PTPRE: variants seen among roughly 807,000 people sequenced by gnomAD.
The protein encoded by PTPRE is receptor-type tyrosine-protein phosphatase epsilon.
Under a neutral mutation model 102.0 loss-of-function variants are expected in PTPRE, and 51 were observed. The observed-to-expected ratio is 0.50, with a 90% CI of 0.40 to 0.63. The LOEUF (loss-of-function observed/expected upper bound fraction) is 0.63. Ranked by LOEUF, PTPRE falls within the 30% of genes least tolerant of loss-of-function variation. PTPRE has a pLI of 0.00. For missense variants in PTPRE, 752 were observed against 915.1 expected (o/e 0.82, Z 2.30); for synonymous variants, 345 against 348.2 (o/e 0.99, Z 0.10).
At chr10:128,024,403 C>T (rs374572817) in intron 2 of PTPRE, among the ~76,000 whole-genome samples, 54 of 152,312 alleles carry the variant, frequency 3.5e-4, no homozygotes, top group Middle Eastern at 3.4e-3. Context: ...TCTGAGAAAG[C>T]GTGCTTTCGA....
chr10:128,079,463 G>T, intron 19 of PTPRE, 97 bp from the exon 20 acceptor site: 9 of 1,424,594 alleles, frequency 6.3e-6, no homozygotes, highest in Non-Finnish European at 6.6e-6. Flanking sequence ...AGCGATTGTT[G>T]CTTCAGTGCT....
At chr10:127,920,329 T>C (rs991199974) in intron 1 of PTPRE, among the ~76,000 whole-genome samples, 16 of 152,218 alleles carry the variant, frequency 1.1e-4, no homozygotes, top group African/African-American at 2.9e-4. Context: ...GAGGGGTCTC[T>C]TGCTGCCTCT....
At chr10:127,973,471 A>G (rs1290719571) in intron 1 of PTPRE, among the ~76,000 whole-genome samples, 1 of 152,200 alleles carries the variant, frequency 6.6e-6, no homozygotes, top group East Asian at 1.9e-4. Flanking sequence ...GAACTAGTTT[A>G]AATGGTTCAG....
intron 1 of PTPRE, among the ~76,000 whole-genome samples, chr10:127,972,706 C>G (rs1199136133): frequency 6.6e-6 from 1 of 152,174 alleles, no homozygotes; most frequent in Non-Finnish European, 1.5e-5. Flanking sequence ...AGGGGCTGAC[C>G]AAGGTCACCC....
chr10:127,946,036 A>T (rs537719269), intron 1 of PTPRE, among the ~76,000 whole-genome samples: 1 of 152,156 alleles, frequency 6.6e-6, no homozygotes, highest in South Asian at 2.1e-4. Context: ...CCTTGAGGTG[A>T]AGATGGGCCA....
At chr10:128,059,113 C>A (rs189741427) in intron 7 of PTPRE, among the ~76,000 whole-genome samples, 39 of 152,332 alleles carry the variant, frequency 2.6e-4, no homozygotes, top group East Asian at 1.9e-3. Context: ...GATTCTAAAT[C>A]TAAGCAGAAG....
intron 2 of PTPRE, among the ~76,000 whole-genome samples, chr10:127,997,412 C>G (rs931717039): frequency 1.3e-5 from 2 of 152,220 alleles, no homozygotes; most frequent in African/African-American, 4.8e-5. Flanking sequence ...CTCCCCCAAC[C>G]TGGACTCAGG....
At chr10:128,003,071 T>C (rs569334149) in intron 2 of PTPRE, among the ~76,000 whole-genome samples, 1 of 152,328 alleles carries the variant, frequency 6.6e-6, no homozygotes, top group South Asian at 2.1e-4. Flanking sequence ...TTTACAGTCC[T>C]GAAGAGCAGA....
intron 10 of PTPRE, among the ~76,000 whole-genome samples, chr10:128,065,755 G>C (rs1850027279): frequency 6.6e-6 from 1 of 152,218 alleles, no homozygotes; most frequent in South Asian, 2.1e-4. Context: ...AGCTCTGAAG[G>C]CTACAGGCTC....
chr10:127,941,764 T>A (rs1848262934), intron 1 of PTPRE, among the ~76,000 whole-genome samples: 1 of 150,892 alleles, frequency 6.6e-6, no homozygotes, highest in Admixed American at 6.6e-5. Context: ...TCCCACCCCC[T>A]CCATCTCACT....
At chr10:127,986,209 G>A (rs11015999) in intron 2 of PTPRE, among the ~76,000 whole-genome samples, 23,424 of 152,004 alleles carry the variant, frequency 0.15, 3,209 homozygotes, top group African/African-American at 0.36. Flanking sequence ...TTTCCTTTTT[G>A]TTTGTCTTTA....
chr10:128,035,273 G>GTA (rs556205484), intron 2 of PTPRE, among the ~76,000 whole-genome samples: 61 of 137,304 alleles, frequency 4.4e-4, no homozygotes, highest in East Asian at 1.7e-3. Flanking sequence ...ACATATATAT[G>GTA]TATATATATA....
At chr10:128,029,698 C>A (rs1202963343) in intron 2 of PTPRE, among the ~76,000 whole-genome samples, 2 of 152,006 alleles carry the variant, frequency 1.3e-5, no homozygotes, top group Non-Finnish European at 2.9e-5. Flanking sequence ...AATAAACAAG[C>A]CTTTCAAGAA....
At chr10:128,056,028 G>A (rs1564936019) in intron 6 of PTPRE, 95 bp from the exon 7 acceptor site, 7 of 971,664 alleles carry the variant, frequency 7.2e-6, no homozygotes, top group East Asian at 4.9e-5. Context: ...TTTGCTCCAC[G>A]TGTTTTCATT....
chr10:127,924,703 A>C (rs1846880212), intron 1 of PTPRE, among the ~76,000 whole-genome samples: 1 of 152,244 alleles, frequency 6.6e-6, no homozygotes, highest in Non-Finnish European at 1.5e-5. Flanking sequence ...AACCCAGTTT[A>C]ATGTTCAATA....
intron 3 of PTPRE, among the ~76,000 whole-genome samples, chr10:128,045,721 G>T (rs879495132): frequency 7.2e-5 from 11 of 152,212 alleles, no homozygotes; most frequent in Non-Finnish European, 1.6e-4. Context: ...GAAGCCTCAG[G>T]CCAGCTCACT....
chr10:128,049,471 C>T (rs1299310481), intron 5 of PTPRE, 59 bp from the exon 6 acceptor site: 1 of 1,589,040 alleles, frequency 6.3e-7, no homozygotes, highest in Non-Finnish European at 8.6e-7. Flanking sequence ...AGCTTGGTTA[C>T]TCAGTCGCCT....
intron 1 of PTPRE, among the ~76,000 whole-genome samples, chr10:127,909,781 T>C (rs192351007): frequency 6.6e-6 from 1 of 152,360 alleles, no homozygotes; most frequent in East Asian, 1.9e-4. Context: ...AAGTGAGACC[T>C]TCCCGAAGCG....
At chr10:127,978,001 T>G (rs1851314331) in intron 1 of PTPRE, among the ~76,000 whole-genome samples, 1 of 152,206 alleles carries the variant, frequency 6.6e-6, no homozygotes, top group Admixed American at 6.5e-5. Context: ...TGGGCCAGGC[T>G]ACTTCCAAAG....
Sources: gnomAD v4.1 joint callset for allele counts (sites outside exome capture counted in the v4.1 genomes callset) on GRCh38, gnomAD v4.1.1 for gene constraint, MANE v1.5 for transcripts, NCBI Gene and HGNC (gene_info 2026-07-23, HGNC 2026-07-21) for gene names.